The following C19orf12 variants were observed in gnomAD, a reference collection of about 807,000 sequenced individuals.
C19orf12 encodes chromosome 19 open reading frame 12, also known as protein C19orf12.
A neutral mutation model predicts 3.8 loss-of-function variants in C19orf12; 2 were observed. The observed-to-expected ratio is 0.53, with a 90% CI of 0.22 to 1.66. C19orf12 has a LOEUF of 1.66. C19orf12 is among the 40% of genes most tolerant of loss of function. C19orf12 has a pLI of 0.20. For missense variants in C19orf12, 156 were observed against 188.8 expected (o/e 0.83, Z 1.02); for synonymous variants, 89 against 84.6 (o/e 1.05, Z -0.28).
chr19:29,706,808 C>T (rs1972403777), intron 2 of C19orf12, among the ~76,000 whole-genome samples: 1 of 152,202 alleles, frequency 6.6e-6, no homozygotes, highest in Non-Finnish European at 1.5e-5. Context: ...AATCCCACTA[C>T]AGAAGGGAAG....
chr19:29,711,036 GTTTTTTTTTTTTT>G (rs781530564), intron 1 of C19orf12, among the ~76,000 whole-genome samples: 1 of 98,284 alleles, frequency 1.0e-5, no homozygotes, highest in African/African-American at 4.3e-5. Flanking sequence ...ATACAGAGAG[GTTTTTTTTTTTTT>G]TTTTTTTTTG....
chr19:29,714,567 C>G (rs73041251), intron 1 of C19orf12, among the ~76,000 whole-genome samples: 16,111 of 152,192 alleles, frequency 0.11, 1,304 homozygotes, highest in East Asian at 0.28. Flanking sequence ...CCTTCCTGAC[C>G]AAATCTAAAC....
intron 1 of C19orf12, among the ~76,000 whole-genome samples, chr19:29,712,591 G>A (rs1325177407): frequency 6.6e-6 from 1 of 152,098 alleles, no homozygotes; most frequent in Non-Finnish European, 1.5e-5. Flanking sequence ...AAGCCCACAT[G>A]TGCACTAGAA....
intron 2 of C19orf12, chr19:29,705,402 CAAAAAAA>C (rs34101444): frequency 1.8e-3 from 197 of 106,832 alleles, no homozygotes; most frequent in South Asian, 3.6e-3. Context: ...ATCCTGAAAC[CAAAAAAA>C]AAAAAAAAAA....
rs554747808 is a variant in C19orf12 at position 29,705,032 on chromosome 19, A to C, written c.161-2055T>G. ...CTAGACTTAGTGACTCACTTTCAAC[A>C]GACAGAGTATGGAAAGGGAAACAGA... On this transcript the variant is annotated intron_variant, in intron 2 of 2. Coordinates refer to ENST00000323670, the MANE Select transcript of C19orf12 (RefSeq NM_031448.6). Among the ~76,000 whole-genome samples, 3 of 152,356 alleles carry C rather than the reference A, an allele frequency of 2.0e-5. 1 individual carries two copies. The highest frequency in any genetic ancestry group is 7.2e-5 in the African/African-American group (3 of 41,576).
chr19:29,699,416 G>C lies in C19orf12; in HGVS notation c.*3296C>G. 1 of 392,954 alleles carries C rather than the reference G, an allele frequency of 2.5e-6. No individual in the cohort carries two copies. 24.3% of individuals were successfully genotyped at this position (392,954 alleles called of 1,614,324 possible). On this transcript the variant is annotated 3_prime_UTR_variant, in exon 3 of 3. Coordinates refer to ENST00000323670, the MANE Select transcript of C19orf12 (RefSeq NM_031448.6). ...GAGAATGGCTTGAACCCAGGAGGCAGAGCTTGCAGTGAACCAAGATCGCGC... is the reference window on the plus strand; with the variant it reads ...GAGAATGGCTTGAACCCAGGAGGCACAGCTTGCAGTGAACCAAGATCGCGC...
At position 29,700,437 on chromosome 19, in the gene C19orf12, A is replaced by T. The variant is rs1382932381; in HGVS notation, c.*2275T>A. ...TCACACTAAAAACGGGCAACTTTAG[A>T]GCCCACTAAAGCTATACAAAATTGG... On this transcript the variant is annotated 3_prime_UTR_variant, in exon 3 of 3. Transcript: ENST00000323670. The T allele has an allele frequency of 2.2e-6, 1 of 454,116 alleles. No individual in the cohort carries two copies. The allele number at this position is 454,116 out of a possible 1,614,324, so 28.1% of individuals were successfully genotyped here. A position where few individuals can be genotyped will look rare whatever the true frequency, so the allele number is the denominator to read the frequency against.
chr19:29,714,347 T>C (rs1165904546), intron 1 of C19orf12, among the ~76,000 whole-genome samples: 1 of 151,880 alleles, frequency 6.6e-6, no homozygotes, highest in Non-Finnish European at 1.5e-5. Context: ...ACAAAAAAAT[T>C]AGCCAGGCTT....
Position 29,702,625 on chromosome 19 carries a change from T to G in C19orf12, c.*87A>C, listed in dbSNP as rs763033924. On this transcript the variant is annotated 3_prime_UTR_variant, in exon 3 of 3. Transcript: ENST00000323670. ...TGATGTGGAGATTCCCCAGGGGGCA[T>G]CCGCTGGGCTTCTCCCAACTCCCAA... 6.4e-7 allele frequency: 1 copy of G among 1,554,980 alleles called. No individual in the cohort carries two copies. The highest frequency in any genetic ancestry group is 8.9e-7 in the Non-Finnish European group (1 of 1,129,414).
intron 1 of C19orf12, chr19:29,708,657 T>C (rs1448655405): frequency 4.6e-5 from 27 of 585,284 alleles, no homozygotes; most frequent in Non-Finnish European, 6.8e-5. Flanking sequence ...AAGGTCTTCT[T>C]TGCCCTCTGA....
At chr19:29,709,009 G>GT (rs1444292928) in intron 1 of C19orf12, among the ~76,000 whole-genome samples, 1 of 152,222 alleles carries the variant, frequency 6.6e-6, no homozygotes, top group Non-Finnish European at 1.5e-5. Context: ...AGTGCCTGGC[G>GT]TAAGTCTGGA....
At chr19:29,708,036 G>A (rs966691729) in intron 2 of C19orf12, among the ~76,000 whole-genome samples, 7 of 151,702 alleles carry the variant, frequency 4.6e-5, no homozygotes, top group African/African-American at 7.3e-5. Context: ...CCGCCACCAC[G>A]CCCAGCTATT....
chr19:29,715,199 C>G lies in C19orf12; in HGVS notation c.-85G>C. 2.1e-6 allele frequency: 1 copy of G among 477,294 alleles called. No individual in the cohort carries two copies. Among genetic ancestry groups the G allele is most frequent in the African/African-American group, 2.1e-5 (1 of 47,202 alleles). 29.6% of individuals were successfully genotyped at this position (477,294 alleles called of 1,614,324 possible). ...CAGCCCGGGCCTGGCAGGCCCCGGG[C>G]TCCCCGCCCAGCTCCCCAGCCCCGC... On this transcript the variant is annotated 5_prime_UTR_variant, in exon 1 of 3. Transcript: ENST00000323670.
chr19:29,700,876 G>A lies in C19orf12; in HGVS notation c.*1836C>T. Reference sequence around the variant, plus strand: ...CTCCCTCCGAGCCTCCAGGGCCTGAGAGGAGAGCCCCAAGTCCCTGCCCTG... The same window carrying A: ...CTCCCTCCGAGCCTCCAGGGCCTGAAAGGAGAGCCCCAAGTCCCTGCCCTG... On this transcript the variant is annotated 3_prime_UTR_variant, in exon 3 of 3. Coordinates refer to ENST00000323670, the MANE Select transcript of C19orf12 (RefSeq NM_031448.6). 2.2e-6 allele frequency: 1 copy of A among 454,082 alleles called. No individual in the cohort carries two copies. The highest frequency in any genetic ancestry group is 4.4e-6 in the Non-Finnish European group (1 of 226,794). 28.1% of individuals were successfully genotyped at this position (454,082 alleles called of 1,614,324 possible). A position where few individuals can be genotyped will look rare whatever the true frequency, so the allele number is the denominator to read the frequency against.
upstream of C19orf12, chr19:29,715,495 G>A: frequency 5.9e-6 from 2 of 341,600 alleles, no homozygotes; most frequent in Non-Finnish European, 1.2e-5. Flanking sequence ...CCGCAAGGCC[G>A]CGCTCCCGCA....
rs542739598 is a variant in C19orf12 at position 29,700,709 on chromosome 19, C to T, written c.*2003G>A. On this transcript the variant is annotated 3_prime_UTR_variant, in exon 3 of 3. Transcript: ENST00000323670. Reference sequence around the variant, plus strand: ...GCACCTGATTTGTGCTAGACGAGGCCAGCAGAAGAGCAATCGCTCTGCAAG... The same window carrying T: ...GCACCTGATTTGTGCTAGACGAGGCTAGCAGAAGAGCAATCGCTCTGCAAG... 3 of 454,158 alleles carry T rather than the reference C, an allele frequency of 6.6e-6. No homozygotes were observed. Among genetic ancestry groups the T allele is most frequent in the African/African-American group, 6.0e-5 (3 of 50,142 alleles). 28.1% of individuals were successfully genotyped at this position (454,158 alleles called of 1,614,324 possible).
In C19orf12 at chr19:29,699,360, G is replaced by A. The variant is rs754929270; in HGVS notation, c.*3352C>T. 4.9e-5 allele frequency: 18 copies of A among 370,740 alleles called. No homozygotes were observed. The highest frequency in any genetic ancestry group is 9.1e-4 in the Middle Eastern group (1 of 1,096). The allele number at this position is 370,740 out of a possible 1,614,324, so 23.0% of individuals were successfully genotyped here. ...TAGCCGGGCATGGTGGCGGGCGACT[G>A]TAGTCAAAGCTACTCGGGAGGCTGA... On this transcript the variant is annotated 3_prime_UTR_variant, in exon 3 of 3. Transcript: ENST00000323670.
Position 29,701,187 on chromosome 19 carries a change from T to G in C19orf12, c.*1525A>C, listed in dbSNP as rs142863911. Reference sequence around the variant, plus strand: ...CTTTTTAGAAAAACATTTATTGTAATCGATCACATTCAAGTCGTAGTTCTG... The same window carrying G: ...CTTTTTAGAAAAACATTTATTGTAAGCGATCACATTCAAGTCGTAGTTCTG... On this transcript the variant is annotated 3_prime_UTR_variant, in exon 3 of 3. Transcript: ENST00000323670. 23 of 454,142 alleles carry G rather than the reference T, an allele frequency of 5.1e-5. No homozygotes were observed. Among genetic ancestry groups the G allele is most frequent in the African/African-American group, 3.2e-4 (16 of 50,126 alleles). The allele number at this position is 454,142 out of a possible 1,614,324, so 28.1% of individuals were successfully genotyped here.
Position 29,701,819 on chromosome 19 carries a change from T to C in C19orf12, c.*893A>G, listed in dbSNP as rs1188609229. On this transcript the variant is annotated 3_prime_UTR_variant, in exon 3 of 3. Coordinates refer to ENST00000323670, the MANE Select transcript of C19orf12 (RefSeq NM_031448.6). ...ATTTTGAACAGTAAATATTTTTAAA[T>C]TAAGGTTTGTACATTTGTTAGACAT... 4.4e-6 allele frequency: 2 copies of C among 452,746 alleles called. No individual in the cohort carries two copies. Among genetic ancestry groups the C allele is most frequent in the Admixed American group, 2.4e-5 (1 of 42,520 alleles). 28.0% of individuals were successfully genotyped at this position (452,746 alleles called of 1,614,324 possible). A position where few individuals can be genotyped will look rare whatever the true frequency, so the allele number is the denominator to read the frequency against.
Sources: allele counts gnomAD v4.1 joint callset (sites outside exome capture counted in the v4.1 genomes callset), GRCh38; gene constraint gnomAD v4.1.1; transcripts MANE v1.5; gene names NCBI Gene and HGNC (gene_info 2026-07-23, HGNC 2026-07-21).